The following PLCH1 variants were observed in gnomAD, a reference collection of about 807,000 sequenced individuals.
PLCH1 encodes the protein phospholipase C eta 1.
In PLCH1, 60 loss-of-function variants were observed where a neutral mutation model predicts 126.7. The ratio of observed to expected loss-of-function variants is 0.47; its 90% CI spans 0.38 to 0.59. The LOEUF (loss-of-function observed/expected upper bound fraction) is 0.59. Among genes scored for constraint, PLCH1 ranks in the 20% least tolerant of loss-of-function variants. PLCH1 has a pLI of 0.00. For synonymous variants in PLCH1, 719 were observed against 734.9 expected, an observed-to-expected ratio of 0.98 and a Z score of 0.35; for missense variants, 1,723 against 2,040.0, an observed-to-expected ratio of 0.84 and a Z score of 2.99.
At chr3:155,497,521 T>C in intron 14 of PLCH1, 104 bp from the exon 15 acceptor site, 1 of 796,972 alleles carries the variant, frequency 1.3e-6, no homozygotes, top group South Asian at 1.5e-5. Context: ...TAATAGGGAA[T>C]ACCTGCCCCA....
intron 18 of PLCH1, among the ~76,000 whole-genome samples, chr3:155,491,720 G>C (rs977783962): frequency 1.3e-5 from 2 of 152,134 alleles, no homozygotes; most frequent in Non-Finnish European, 2.9e-5. Context: ...CTGTGATAGG[G>C]GTTGGTGTTT....
intron 2 of PLCH1, among the ~76,000 whole-genome samples, chr3:155,695,939 C>A (rs1043114018): frequency 2.5e-4 from 38 of 152,126 alleles, no homozygotes; most frequent in Non-Finnish European, 3.7e-4. Context: ...GTTGGCAAGG[C>A]AGATGGGTAC....
intron 2 of PLCH1, among the ~76,000 whole-genome samples, chr3:155,675,321 G>A (rs946353329): frequency 6.6e-6 from 1 of 152,146 alleles, no homozygotes; most frequent in Non-Finnish European, 1.5e-5. Context: ...TATTCTGTCT[G>A]ACCAGGAAGG....
chr3:155,686,357 C>T (rs1396396020), intron 2 of PLCH1, among the ~76,000 whole-genome samples: 1 of 152,062 alleles, frequency 6.6e-6, no homozygotes, highest in South Asian at 2.1e-4. Context: ...ATATTTAAAG[C>T]ATGAAGGCAA....
intron 6 of PLCH1, among the ~76,000 whole-genome samples, chr3:155,580,209 G>A (rs1417222352): frequency 6.6e-6 from 1 of 152,066 alleles, no homozygotes; most frequent in Non-Finnish European, 1.5e-5. Flanking sequence ...ATAGCATTAT[G>A]GAGATATGTT....
chr3:155,458,353 AAAAAAG>A (rs1191110443), intron 21 of PLCH1, among the ~76,000 whole-genome samples: 1 of 144,776 alleles, frequency 6.9e-6, no homozygotes, highest in Non-Finnish European at 1.5e-5. Flanking sequence ...AAAAAAAAAA[AAAAAAG>A]AAAGAAAGAA....
chr3:155,505,749 C>A (rs60945017), intron 12 of PLCH1, among the ~76,000 whole-genome samples: 1 of 152,082 alleles, frequency 6.6e-6, no homozygotes, highest in Non-Finnish European at 1.5e-5. Context: ...TCTATTAATG[C>A]GGATCATTAA....
Position 155,632,109 on chromosome 3 carries a change from A to C in PLCH1, c.80-35731T>G, listed in dbSNP as rs1738118237. ...TTTCAGTAGTTTCACAGTGGCCATCAGCTCTGTCAGACACCGGACATGGCT... is the reference window on the plus strand; with the variant it reads ...TTTCAGTAGTTTCACAGTGGCCATCCGCTCTGTCAGACACCGGACATGGCT... On this transcript the variant is annotated intron_variant, in intron 2 of 22. Transcript: ENST00000460012. Among the ~76,000 whole-genome samples the C allele has an allele frequency of 2.6e-5, 4 of 152,188 alleles. 1 individual carries two copies. The South Asian group carries it at 8.3e-4, about 32-fold the overall frequency.
chr3:155,469,137 GTGA>G (rs1246258733), intron 21 of PLCH1, among the ~76,000 whole-genome samples: 1 of 152,196 alleles, frequency 6.6e-6, no homozygotes, highest in Non-Finnish European at 1.5e-5. Context: ...CAGAAGACGG[GTGA>G]TTTCTGCATT....
intron 2 of PLCH1, among the ~76,000 whole-genome samples, chr3:155,684,788 T>TATAAAG (rs1744807937): frequency 1.3e-5 from 2 of 152,140 alleles, no homozygotes; most frequent in Admixed American, 6.6e-5. Context: ...AAAAATCAAC[T>TATAAAG]CCTTTGTCTC....
chr3:155,458,534 GAA>G (rs1276598897), intron 21 of PLCH1, among the ~76,000 whole-genome samples: 4 of 137,606 alleles, frequency 2.9e-5, no homozygotes, highest in African/African-American at 8.8e-5. Flanking sequence ...GAGAAAGAAA[GAA>G]AAAGAAAAAG....
At chr3:155,732,877 C>CAAAAAAAA (rs71155063) in intron 1 of PLCH1, among the ~76,000 whole-genome samples, 2 of 80,254 alleles carry the variant, frequency 2.5e-5, no homozygotes, top group South Asian at 4.4e-4. Flanking sequence ...GACTGCATCT[C>CAAAAAAAA]AAAAAAAAAA....
chr3:155,679,575 C>G (rs57296021), intron 2 of PLCH1, among the ~76,000 whole-genome samples: 4 of 152,142 alleles, frequency 2.6e-5, no homozygotes, highest in Admixed American at 6.6e-5. Flanking sequence ...ACCCTCCCCC[C>G]ACACCCCAAC....
intron 2 of PLCH1, among the ~76,000 whole-genome samples, chr3:155,643,414 A>G (rs1484323627): frequency 6.6e-6 from 1 of 152,190 alleles, no homozygotes; most frequent in Non-Finnish European, 1.5e-5. Flanking sequence ...ATCTGACTAT[A>G]TACTCATGAC....
chr3:155,685,272 G>A (rs1344318956), intron 2 of PLCH1, among the ~76,000 whole-genome samples: 2 of 152,212 alleles, frequency 1.3e-5, no homozygotes, highest in Non-Finnish European at 2.9e-5. Context: ...GTAAGTGAGG[G>A]GATGATGGCA....
chr3:155,477,206 T>C (rs1713582225), downstream of PLCH1, among the ~76,000 whole-genome samples: 1 of 151,922 alleles, frequency 6.6e-6, no homozygotes, highest in South Asian at 2.1e-4. Flanking sequence ...ATATACAAGA[T>C]AAAGAAAATA....
chr3:155,469,363 C>T (rs79440127), intron 21 of PLCH1, among the ~76,000 whole-genome samples: 8,565 of 152,272 alleles, frequency 0.056, 430 homozygotes, highest in African/African-American at 0.14. Flanking sequence ...CTGCGCTTTT[C>T]GGACCGGCCT....
intron 1 of PLCH1, among the ~76,000 whole-genome samples, chr3:155,712,579 A>T (rs1233372842): frequency 6.6e-6 from 1 of 152,192 alleles, no homozygotes. Context: ...AATCTTTAAA[A>T]GATAACTTTA....
chr3:155,637,115 A>C (rs1175059354), intron 2 of PLCH1, among the ~76,000 whole-genome samples: 2 of 152,248 alleles, frequency 1.3e-5, no homozygotes, highest in African/African-American at 4.8e-5. Context: ...CTTTTAGAAC[A>C]GCTTAAAGCT....
Sources: allele counts gnomAD v4.1 joint callset (sites outside exome capture counted in the v4.1 genomes callset), GRCh38; gene constraint gnomAD v4.1.1; transcripts MANE v1.5; gene names NCBI Gene and HGNC (gene_info 2026-07-23, HGNC 2026-07-21).